SCUBE3: variants seen among roughly 807,000 people sequenced by gnomAD.
The protein encoded by SCUBE3 is signal peptide, CUB and EGF-like domain-containing protein 3.
A neutral mutation model predicts 116.8 loss-of-function variants in SCUBE3; 33 were observed. The observed-to-expected ratio is 0.28, with a 90% confidence interval of 0.21 to 0.38. The LOEUF (loss-of-function observed/expected upper bound fraction) is 0.38, where lower values mean the gene tolerates loss of function less well. SCUBE3 is among the 10% of genes least tolerant of loss of function. The pLI is 1.00. For synonymous variants in SCUBE3, 418 were observed against 496.9 expected, an observed-to-expected ratio of 0.84 and a Z score of 2.11; for missense variants, 1,007 against 1,324.8, an observed-to-expected ratio of 0.76 and a Z score of 3.72.
chr6:35,248,533 T>G (rs775143211), intron 21 of SCUBE3, 23 bp from the exon 22 acceptor site: 7 of 1,613,220 alleles, frequency 4.3e-6, no homozygotes, highest in Non-Finnish European at 8.5e-7. Context: ...GAGGCTGACA[T>G]TGCTCCCTGC....
rs1179072100 is a variant in SCUBE3 at position 35,243,048 on chromosome 6, A to T, written c.1721A>T (p.Gln574Leu). Residue 574 changes from glutamine (Q) to leucine (L), a missense_variant, in exon 15 of 22, where the codon CAG (glutamine) becomes CTG (leucine). Transcript: ENST00000274938. This position sits in a 1 kb window ranked among gnomAD's most constrained non-coding sequence, Gnocchi z 6.6. The stretch of plus-strand genomic sequence containing the variant: ...AGCTGTGGGCTGCCCTGCCTCCGAC[A>T]GCGAATGGAACGGCGGCTGAAAGGA... ...TASCGLPCLR[Q>L]RMERRLKGSL... 1 of 1,614,148 alleles carries T rather than the reference A, an allele frequency of 6.2e-7. No individual in the cohort carries two copies. Among genetic ancestry groups the T allele is most frequent in the Admixed American group, 1.7e-5 (1 of 60,024 alleles).
Position 35,241,944 on chromosome 6 carries a change from T to C in SCUBE3, c.1417+34T>C, listed in dbSNP as rs1321879717. On this transcript the variant is annotated intron_variant, in intron 12 of 21. Transcript: ENST00000274938. The surrounding 1 kb of genome is among the most constrained non-coding windows in gnomAD (Gnocchi z 4.1). Reference sequence around the variant, plus strand: ...CAGCCCAGAAGCCCTGTTCCCACCCTACTCTCTTACATTAATCCCTTATTT... The same window carrying C: ...CAGCCCAGAAGCCCTGTTCCCACCCCACTCTCTTACATTAATCCCTTATTT... 14 of 1,366,732 alleles carry C rather than the reference T, an allele frequency of 1.0e-5. No individual in the cohort carries two copies. The highest frequency in any genetic ancestry group is 1.5e-5 in the Non-Finnish European group (14 of 962,278). 84.7% of individuals were successfully genotyped at this position (1,366,732 alleles called of 1,614,324 possible).
Position 35,214,570 on chromosome 6 carries a change from T to C in SCUBE3, c.85+67T>C. On this transcript the variant is annotated intron_variant, in intron 1 of 21. Coordinates refer to ENST00000274938, the MANE Select transcript of SCUBE3 (RefSeq NM_152753.4). The surrounding 1 kb of genome is among the most constrained non-coding windows in gnomAD (Gnocchi z 6.3). ...GCTGGGCCTCAGGGCCTAGGAGCGATTCCCGAGGGGCAGGGCAGGTGCTGG... is the reference window on the plus strand; with the variant it reads ...GCTGGGCCTCAGGGCCTAGGAGCGACTCCCGAGGGGCAGGGCAGGTGCTGG... The C allele has an allele frequency of 5.8e-6, 6 of 1,031,868 alleles. No homozygotes were observed. The South Asian group carries it at 1.2e-4, about 20-fold the overall frequency. 63.9% of individuals were successfully genotyped at this position (1,031,868 alleles called of 1,614,324 possible).
In SCUBE3 at chr6:35,243,513, C is replaced by A; in HGVS notation, c.1910-81C>A. The A allele has an allele frequency of 2.4e-6, 3 of 1,267,946 alleles. No individual in the cohort carries two copies. Among genetic ancestry groups the A allele is most frequent in the Non-Finnish European group, 3.2e-6 (3 of 924,536 alleles). The allele number at this position is 1,267,946 out of a possible 1,614,324, so 78.5% of individuals were successfully genotyped here. On this transcript the variant is annotated intron_variant, in intron 15 of 21. Coordinates refer to ENST00000274938, the MANE Select transcript of SCUBE3 (RefSeq NM_152753.4). The surrounding 1 kb of genome is among the most constrained non-coding windows in gnomAD (Gnocchi z 6.6). ...ATTCTCCCTGAATCGGGGGTTGTGG[C>A]GGGGAGTGGGAAGGGGAGTCCCAGG...
rs1171802108 is a variant in SCUBE3 at position 35,235,814 on chromosome 6, C to T, written c.713-2088C>T. 6.6e-6 allele frequency among the ~76,000 whole-genome samples: 1 copy of T among 152,140 alleles called. No homozygotes were observed. The highest frequency in any genetic ancestry group is 2.4e-5 in the African/African-American group (1 of 41,424). On this transcript the variant is annotated intron_variant, in intron 6 of 21. Transcript: ENST00000274938. This position sits in a 1 kb window ranked among gnomAD's most constrained non-coding sequence, Gnocchi z 4.5. ...TCCCAGCCATCTGCTCCCCACCCCC[C>T]TCTACCCAGCCAGCCTCATCTTCCC...
Position 35,238,029 on chromosome 6 carries a change from T to C in SCUBE3, c.829+11T>C. 6.6e-7 allele frequency: 1 copy of C among 1,521,100 alleles called. No individual in the cohort carries two copies. The highest frequency in any genetic ancestry group is 2.3e-5 in the East Asian group (1 of 44,198). The allele number at this position is 1,521,100 out of a possible 1,614,324, so 94.2% of individuals were successfully genotyped here. On this transcript the variant is annotated intron_variant, in intron 7 of 21. Transcript: ENST00000274938. ...GGAAGACGTGCAAAGGTAAGGACTTTGAGAGGACAGAAGCAGAGTGACCTT... is the reference window on the plus strand; with the variant it reads ...GGAAGACGTGCAAAGGTAAGGACTTCGAGAGGACAGAAGCAGAGTGACCTT...
At position 35,252,947 on chromosome 6, in the gene SCUBE3, A is replaced by G. The variant is rs542993631; in HGVS notation, c.*4242A>G. On this transcript the variant is annotated 3_prime_UTR_variant, in exon 22 of 22. Transcript: ENST00000274938. ...AGTAAGCATCTCCTATACAATCGAC[A>G]ATAAACAGCAAATGATGCAGTTCAT... 1 of 152,362 alleles carries G rather than the reference A, an allele frequency of 6.6e-6. No individual in the cohort carries two copies. Among genetic ancestry groups the G allele is most frequent in the South Asian group, 2.1e-4 (1 of 4,828 alleles). 9.4% of individuals were successfully genotyped at this position (152,362 alleles called of 1,614,324 possible).
intron 1 of SCUBE3, among the ~76,000 whole-genome samples, 174 bp from the exon 2 acceptor site, chr6:35,227,406 A>G (rs993424215): frequency 1.3e-5 from 2 of 152,150 alleles, no homozygotes; most frequent in African/African-American, 4.8e-5. Context: ...GAATTCCCAA[A>G]ATCAGTGTCT....
At chr6:35,223,119 G>C (rs531108619) in intron 1 of SCUBE3, 1 of 152,254 alleles carries the variant, frequency 6.6e-6, no homozygotes. Flanking sequence ...CCAGGATTTC[G>C]AGGTTGCAGT....
chr6:35,237,510 A>G (rs78199774), intron 6 of SCUBE3, among the ~76,000 whole-genome samples: 6,287 of 151,808 alleles, frequency 0.041, 352 homozygotes, highest in East Asian at 0.3. Context: ...AGAGGAAGAA[A>G]CTCCTATCTG....
rs775725846 is a variant in SCUBE3, at chr6:35,244,726, C to T, written c.2316C>T (p.Pro772=). The change falls in exon 18 of 22, where the codon CCC becomes CCT. Residue 772 remains proline, a synonymous_variant. Transcript: ENST00000274938. The surrounding 1 kb of genome is among the most constrained non-coding windows in gnomAD (Gnocchi z 4.3). ...GCTGTGCCATGGGCTCCTATCAGCC[C>T]GACTTCCGTCAGAACTTCTGCAGCC... ...CIRCAMGSYQ[P]DFRQNFCSRC... is the part of the protein sequence containing the mutation. 23 of 1,614,026 alleles carry T rather than the reference C, an allele frequency of 1.4e-5. No individual in the cohort carries two copies. The Middle Eastern group carries it at 4.9e-4, about 35-fold the overall frequency.
chr6:35,225,425 C>T (rs1436791785), intron 1 of SCUBE3, among the ~76,000 whole-genome samples: 2 of 152,222 alleles, frequency 1.3e-5, no homozygotes, highest in Non-Finnish European at 2.9e-5. Flanking sequence ...TGCGAGGTCC[C>T]TCTTGCCCTT....
chr6:35,239,889 C>T lies in SCUBE3; in HGVS notation c.952+15C>T. The T allele has an allele frequency of 1.9e-6, 3 of 1,589,034 alleles. No homozygotes were observed. The highest frequency in any genetic ancestry group is 2.6e-6 in the Non-Finnish European group (3 of 1,171,320). On this transcript the variant is annotated intron_variant, in intron 8 of 21. Coordinates refer to ENST00000274938, the MANE Select transcript of SCUBE3 (RefSeq NM_152753.4). The surrounding 1 kb of genome is among the most constrained non-coding windows in gnomAD (Gnocchi z 4.1). ...GAACTGCCAGGGTGAGCAGACTCAG[C>T]CAAAGGTGAAAGCCTTAGGAGAGGT...
Position 35,250,565 on chromosome 6 carries a change from G to C in SCUBE3, c.*1860G>C, listed in dbSNP as rs1784516400. 6.6e-6 allele frequency: 1 copy of C among 152,202 alleles called. No individual in the cohort carries two copies. Among genetic ancestry groups the C allele is most frequent in the South Asian group, 2.1e-4 (1 of 4,828 alleles). The allele number at this position is 152,202 out of a possible 1,614,324, so 9.4% of individuals were successfully genotyped here. A position where few individuals can be genotyped will look rare whatever the true frequency, so the allele number is the denominator to read the frequency against. On this transcript the variant is annotated 3_prime_UTR_variant, in exon 22 of 22. Coordinates refer to ENST00000274938, the MANE Select transcript of SCUBE3 (RefSeq NM_152753.4). ...AAGAATCAAATGGAAGAAGAATCAA[G>C]TCCATGCCCAAGCCCAAAGCCTGCA... is the stretch of plus-strand genomic sequence containing the variant.
In SCUBE3 at chr6:35,246,277, AT is replaced by A; in HGVS notation, c.2828del (p.Leu943Ter). On this transcript the variant is annotated frameshift_variant, in exon 21 of 22. Transcript: ENST00000274938. LOFTEE classifies it high-confidence loss of function. The part of the protein sequence containing the change: ...RLYASENHQE[I>X]LKDKKLIKAF... The stretch of plus-strand genomic sequence containing the variant: ...CTATGCCTCTGAAAACCACCAGGAG[AT>A]TTTAAAGGTGAATGAATATTAACAA... 6.2e-7 allele frequency: 1 copy of A among 1,608,642 alleles called. No homozygotes were observed.
At chr6:35,222,651 A>C (rs1274643812) in intron 1 of SCUBE3, 3 of 152,208 alleles carry the variant, frequency 2.0e-5, no homozygotes, top group African/African-American at 7.2e-5. Context: ...CTAGCCTTCA[A>C]AAAGAATTGT....
Position 35,227,653 on chromosome 6 carries a change from C to CAA in SCUBE3, c.160_161dup (p.Cys55SerfsTer77). ...TCTGCCAGAACACCCCGAGGTCATA[C>CAA]AAGTGCATCTGCAAGTCTGGCTACA... On this transcript the variant is annotated frameshift_variant, in exon 2 of 22. Coordinates refer to ENST00000274938, the MANE Select transcript of SCUBE3 (RefSeq NM_152753.4). LOFTEE classifies it high-confidence loss of function. The CAA allele has an allele frequency of 1.9e-6, 3 of 1,614,120 alleles. No homozygotes were observed. The highest frequency in any genetic ancestry group is 2.5e-6 in the Non-Finnish European group (3 of 1,179,978).
intron 6 of SCUBE3, among the ~76,000 whole-genome samples, chr6:35,234,291 T>G (rs752284896): frequency 6.6e-6 from 1 of 152,170 alleles, no homozygotes; most frequent in Non-Finnish European, 1.5e-5. Context: ...TGTGGCATGC[T>G]GAGGATGGGG....
Position 35,219,364 on chromosome 6 carries a change from G to C in SCUBE3, c.85+4861G>C, listed in dbSNP as rs551065885. On this transcript the variant is annotated intron_variant, in intron 1 of 21. Coordinates refer to ENST00000274938, the MANE Select transcript of SCUBE3 (RefSeq NM_152753.4). The surrounding 1 kb of genome is among the most constrained non-coding windows in gnomAD (Gnocchi z 4.7). Reference sequence around the variant, plus strand: ...GACTAGCTGTCTGTATTCTGCCCTAGCCTAGACATGTCCCCCTGCAGATCA... The same window carrying C: ...GACTAGCTGTCTGTATTCTGCCCTACCCTAGACATGTCCCCCTGCAGATCA... Among the ~76,000 whole-genome samples the C allele has an allele frequency of 2.8e-4, 43 of 152,258 alleles. No homozygotes were observed. Among genetic ancestry groups the C allele is most frequent in the African/African-American group, 9.9e-4 (41 of 41,542 alleles).
Sources: gnomAD v4.1 joint callset for allele counts (sites outside exome capture counted in the v4.1 genomes callset) on GRCh38, gnomAD v4.1.1 for gene constraint, Gnocchi (gnomAD v3.1) non-coding constraint, MANE v1.5 for transcripts, NCBI Gene and HGNC (gene_info 2026-07-23, HGNC 2026-07-21) for gene names.